The following RFC3 variants were observed in gnomAD, a reference collection of about 807,000 sequenced individuals.
The protein encoded by RFC3 is replication factor C subunit 3.
RFC3 carries 41 observed loss-of-function variants against 45.1 expected under a neutral mutation model. That is an observed-to-expected ratio of 0.91 (90% CI 0.71 to 1.18). The LOEUF (loss-of-function observed/expected upper bound fraction) is 1.18, where lower values mean the gene tolerates loss of function less well. RFC3 is among the 50% of genes most tolerant of loss of function. RFC3 has a pLI of 0.00. For missense variants in RFC3, 423 were observed against 428.1 expected (o/e 0.99, Z 0.10); for synonymous variants, 149 against 144.0 (o/e 1.03, Z -0.25).
At chr13:33,894,484 C>T (rs1376680412) in intron 8 of RFC3, among the ~76,000 whole-genome samples, 2 of 152,104 alleles carry the variant, frequency 1.3e-5, no homozygotes, top group Admixed American at 6.5e-5. Context: ...GATATAATCT[C>T]GAGTGGGGAC....
At chr13:33,932,428 C>T (rs1447206451) in intron 8 of RFC3, among the ~76,000 whole-genome samples, 2 of 152,040 alleles carry the variant, frequency 1.3e-5, no homozygotes, top group Non-Finnish European at 2.9e-5. Flanking sequence ...AAACAGTTTT[C>T]CCTCCCAAAC....
At chr13:33,823,324 A>G (rs536646861) in intron 2 of RFC3, among the ~76,000 whole-genome samples, 7 of 152,336 alleles carry the variant, frequency 4.6e-5, no homozygotes, top group South Asian at 4.1e-4. Context: ...TGAAAGCAGT[A>G]TATGCAACAT....
At chr13:33,900,630 T>C (rs1190187705) in intron 8 of RFC3, among the ~76,000 whole-genome samples, 1 of 151,882 alleles carries the variant, frequency 6.6e-6, no homozygotes, top group Non-Finnish European at 1.5e-5. Flanking sequence ...TGGGCAAAGA[T>C]TGTTTGTGTA....
At chr13:33,841,537 C>G (rs1442985124), downstream of RFC3, among the ~76,000 whole-genome samples, 1 of 152,092 alleles carries the variant, frequency 6.6e-6, no homozygotes, top group Non-Finnish European at 1.5e-5. Context: ...TTTTCTGTAG[C>G]TTATATAATA....
intron 8 of RFC3, among the ~76,000 whole-genome samples, chr13:33,898,306 C>G (rs1041850937): frequency 6.6e-6 from 1 of 151,890 alleles, no homozygotes; most frequent in African/African-American, 2.4e-5. Flanking sequence ...CCATTTCAAT[C>G]TTTTCAGATC....
rs2082753910 is a variant in RFC3, at chr13:33,919,444, T to C, written c.880-46643T>C. 2.6e-5 allele frequency among the ~76,000 whole-genome samples: 4 copies of C among 152,246 alleles called. No homozygotes were observed. In the South Asian group the frequency reaches 8.3e-4, roughly 32 times the overall value. On this transcript the variant is annotated intron_variant, in intron 8 of 8. Coordinates refer to the RFC3 transcript ENST00000434425. The stretch of plus-strand genomic sequence containing the variant: ...TTCTAGAAAGCTATTATGCATACGC[T>C]CACAAGACATTTACTCTAAGTTAAG...
At chr13:33,853,355 A>G (rs2082288632) in intron 8 of RFC3, among the ~76,000 whole-genome samples, 1 of 152,066 alleles carries the variant, frequency 6.6e-6, no homozygotes, top group Non-Finnish European at 1.5e-5. Flanking sequence ...AGAGATATGA[A>G]CTCTTATTAG....
At chr13:33,893,711 G>A (rs1208312833) in intron 8 of RFC3, among the ~76,000 whole-genome samples, 7 of 152,026 alleles carry the variant, frequency 4.6e-5, no homozygotes, top group African/African-American at 1.4e-4. Flanking sequence ...AAAAATTTTG[G>A]AACTGAGAAA....
intron 8 of RFC3, among the ~76,000 whole-genome samples, chr13:33,947,216 G>T (rs939108607): frequency 6.6e-6 from 1 of 152,088 alleles, no homozygotes; most frequent in African/African-American, 2.4e-5. Context: ...TTGGACCATG[G>T]GGGTGATTTC....
chr13:33,941,974 G>T (rs950376528), intron 8 of RFC3, among the ~76,000 whole-genome samples: 1 of 151,902 alleles, frequency 6.6e-6, no homozygotes, highest in African/African-American at 2.4e-5. Context: ...CTATCTTCCT[G>T]TTCAGTAATA....
chr13:33,847,465 A>G (rs1207052540), intron 8 of RFC3: 1 of 152,028 alleles, frequency 6.6e-6, no homozygotes, highest in African/African-American at 2.4e-5. Context: ...CTCCTCCTCC[A>G]GCAGTTGCTT....
At chr13:33,945,809 A>G (rs1178284997) in intron 8 of RFC3, among the ~76,000 whole-genome samples, 1 of 152,218 alleles carries the variant, frequency 6.6e-6, no homozygotes, top group Non-Finnish European at 1.5e-5. Context: ...TTGACTTACT[A>G]TTTTAAACAG....
chr13:33,819,978 T>G (rs781772941), intron 1 of RFC3, among the ~76,000 whole-genome samples: 1 of 152,250 alleles, frequency 6.6e-6, no homozygotes, highest in Non-Finnish European at 1.5e-5. Flanking sequence ...TGGGACTTTT[T>G]AGTGACAGAG....
At chr13:33,962,233 G>A (rs1263410715) in intron 8 of RFC3, among the ~76,000 whole-genome samples, 1 of 152,108 alleles carries the variant, frequency 6.6e-6, no homozygotes, top group Non-Finnish European at 1.5e-5. Context: ...CTATGAGGGG[G>A]GATATGTAAA....
chr13:33,879,491 G>A (rs2082468425), intron 8 of RFC3, among the ~76,000 whole-genome samples: 1 of 151,906 alleles, frequency 6.6e-6, no homozygotes, highest in Non-Finnish European at 1.5e-5. Flanking sequence ...GTTTTACAAG[G>A]CCAATTTTGA....
At position 33,917,518 on chromosome 13, in the gene RFC3, C is replaced by A. The variant is rs1045114534; in HGVS notation, c.880-48569C>A. On this transcript the variant is annotated intron_variant, in intron 8 of 8. Coordinates refer to the RFC3 transcript ENST00000434425. ...CTTAGAGTTAAGCTAATGCTGCCAG[C>A]AGTGCCATTTTGGTTCCTTAGTTGC... Among the ~76,000 whole-genome samples, 15 of 152,228 alleles carry A rather than the reference C, an allele frequency of 9.9e-5. No homozygotes were observed. In the East Asian group the frequency reaches 2.9e-3, roughly 30 times the overall value.
At chr13:33,973,641 CTCT>C in the RFC3 span, among the ~76,000 whole-genome samples, 4,587 of 150,326 alleles carry the variant, frequency 0.031, 85 homozygotes, top group Non-Finnish European at 0.044. Context: ...CTCCCTCTCC[CTCT>C]TCTTCTTCTT....
chr13:33,933,245 G>T (rs1477223761), intron 8 of RFC3, among the ~76,000 whole-genome samples: 2 of 152,088 alleles, frequency 1.3e-5, no homozygotes, highest in Non-Finnish European at 2.9e-5. Context: ...TGCAATTTTA[G>T]TATTAGAGGT....
chr13:33,957,179 T>C (rs1375508509), intron 8 of RFC3, among the ~76,000 whole-genome samples: 1 of 152,216 alleles, frequency 6.6e-6, no homozygotes, highest in Admixed American at 6.5e-5. Flanking sequence ...TATTTCTTTC[T>C]CTTAATATTC....
Sources: allele counts gnomAD v4.1 joint callset (sites outside exome capture counted in the v4.1 genomes callset), GRCh38; gene constraint gnomAD v4.1.1; transcripts MANE v1.5; gene names NCBI Gene and HGNC (gene_info 2026-07-23, HGNC 2026-07-21).